ADGRL3: variants seen among roughly 807,000 people sequenced by gnomAD.
ADGRL3 encodes the protein adhesion G protein-coupled receptor L3, also known as calcium-independent alpha-latrotoxin receptor 3.
Under a neutral mutation model 153.5 loss-of-function variants are expected in ADGRL3, and 62 were observed. The observed-to-expected ratio is 0.40, with a 90% CI of 0.33 to 0.50. ADGRL3 has a LOEUF of 0.50. Ranked by LOEUF, ADGRL3 falls within the 20% of genes least tolerant of loss-of-function variation. The pLI, the probability that ADGRL3 is intolerant of heterozygous loss-of-function variation, is 0.47. For missense variants in ADGRL3, 1,641 were observed against 1,859.4 expected, an observed-to-expected ratio of 0.88 and a Z score of 2.16; for synonymous variants, 710 against 672.5, an observed-to-expected ratio of 1.06 and a Z score of -0.86.
At chr4:61,406,882 G>T (rs540204917) in intron 2 of ADGRL3, among the ~76,000 whole-genome samples, 1 of 152,034 alleles carries the variant, frequency 6.6e-6, no homozygotes, top group Non-Finnish European at 1.5e-5. Flanking sequence ...ATTTGCTTCA[G>T]CTAATAACAG....
intron 2 of ADGRL3, among the ~76,000 whole-genome samples, chr4:61,472,055 T>A (rs1269834107): frequency 6.6e-6 from 1 of 152,042 alleles, no homozygotes; most frequent in Non-Finnish European, 1.5e-5. Flanking sequence ...GAGTACTAGA[T>A]TCAGTACTTT....
chr4:61,591,460 G>A (rs2098968832), intron 5 of ADGRL3, among the ~76,000 whole-genome samples: 2 of 151,974 alleles, frequency 1.3e-5, no homozygotes, highest in African/African-American at 4.8e-5. Flanking sequence ...TATCTTCAAT[G>A]TATTATTTTA....
chr4:61,946,016 T>A (rs576851354), intron 15 of ADGRL3, among the ~76,000 whole-genome samples: 1 of 152,344 alleles, frequency 6.6e-6, no homozygotes, highest in African/African-American at 2.4e-5. Context: ...CTATAAATAA[T>A]AATTGACTTG....
At chr4:61,386,323 CA>C (rs1274243141) in intron 2 of ADGRL3, among the ~76,000 whole-genome samples, 1 of 151,906 alleles carries the variant, frequency 6.6e-6, no homozygotes, top group Non-Finnish European at 1.5e-5. Context: ...AGGAGCTAGC[CA>C]AAAACTTAAA....
chr4:61,572,571 T>TA (rs2098843496), intron 4 of ADGRL3, among the ~76,000 whole-genome samples: 1 of 152,112 alleles, frequency 6.6e-6, no homozygotes, highest in African/African-American at 2.4e-5. Flanking sequence ...TGACTACAGA[T>TA]AAAGCTTTTT....
chr4:61,461,425 C>T (rs998615633), intron 2 of ADGRL3, among the ~76,000 whole-genome samples: 3 of 151,954 alleles, frequency 2.0e-5, no homozygotes, highest in Non-Finnish European at 2.9e-5. Context: ...TGATGGATGT[C>T]CTAAATACTC....
intron 1 of ADGRL3, among the ~76,000 whole-genome samples, chr4:61,242,213 A>T (rs544476599): frequency 1.3e-5 from 2 of 151,826 alleles, no homozygotes; most frequent in South Asian, 4.2e-4. Flanking sequence ...TTGATATCTG[A>T]CTCCCTGTTC....
intron 3 of ADGRL3, among the ~76,000 whole-genome samples, chr4:61,510,166 G>C (rs2098455802): frequency 6.6e-6 from 1 of 152,212 alleles, no homozygotes; most frequent in East Asian, 1.9e-4. Flanking sequence ...TTAGATGTTT[G>C]TCAGATGCAT....
At chr4:61,496,355 A>G (rs2152805043) in intron 2 of ADGRL3, among the ~76,000 whole-genome samples, 1 of 152,290 alleles carries the variant, frequency 6.6e-6, no homozygotes, top group South Asian at 2.1e-4. Flanking sequence ...TGTAAGCTTT[A>G]CCATGGTATA....
chr4:61,763,474 C>T (rs746967472), intron 8 of ADGRL3, among the ~76,000 whole-genome samples: 5 of 151,940 alleles, frequency 3.3e-5, no homozygotes, highest in Non-Finnish European at 7.4e-5. Flanking sequence ...TCAGAGAAAA[C>T]TAGGAAATAG....
At chr4:61,868,626 C>G (rs1020344050) in intron 9 of ADGRL3, among the ~76,000 whole-genome samples, 3 of 152,144 alleles carry the variant, frequency 2.0e-5, no homozygotes, top group African/African-American at 7.2e-5. Context: ...TCTAAACTTG[C>G]CTTTCTTTTT....
intron 9 of ADGRL3, among the ~76,000 whole-genome samples, chr4:61,830,265 T>A (rs1317168849): frequency 1.3e-5 from 2 of 152,072 alleles, no homozygotes; most frequent in Non-Finnish European, 2.9e-5. Context: ...CTCAGGAGGC[T>A]AAGGCAGAAG....
intron 9 of ADGRL3, among the ~76,000 whole-genome samples, chr4:61,874,897 T>G (rs1048808858): frequency 1.5e-5 from 2 of 137,740 alleles, no homozygotes; most frequent in Non-Finnish European, 3.1e-5. Flanking sequence ...CAAGCTCCGC[T>G]TCCCGGGTTC....
Position 61,874,787 on chromosome 4 carries a change from C to CTTTT in ADGRL3, c.1481-17868_1481-17867insTTTT, listed in dbSNP as rs1561398139. ...AAATATTTTCAACGACATCAAAATG[C>CTTTT]TCTTTTTTTTTTTTTTTTTTTTTTT... On this transcript the variant is annotated intron_variant, in intron 9 of 26. Coordinates refer to ENST00000683033, the MANE Select transcript of ADGRL3 (RefSeq NM_001387552.1). Among the ~76,000 whole-genome samples the CTTTT allele has an allele frequency of 9.0e-5, 8 of 88,590 alleles. 2 individuals carry two copies. The highest frequency in any genetic ancestry group is 1.2e-4 in the African/African-American group (3 of 24,550). 58.1% of individuals were successfully genotyped at this position (88,590 alleles called of 152,430 possible). A position where few individuals can be genotyped will look rare whatever the true frequency, so the allele number is the denominator to read the frequency against.
In ADGRL3 at chr4:61,909,682, A is replaced by G. The variant is rs774620492; in HGVS notation, c.2010A>G (p.Leu670=). 8.7e-6 allele frequency: 14 copies of G among 1,603,012 alleles called. No homozygotes were observed. Among genetic ancestry groups the G allele is most frequent in the Non-Finnish European group, 1.2e-5 (14 of 1,174,396 alleles). ...CCATGGACCAGCTGGTAGGCCTCCT[A>G]GATGTACAGCTTCGGAACTTGACCC... is the stretch of plus-strand genomic sequence containing the variant. The part of the protein sequence containing the change: ...VRAMDQLVGL[L]DVQLRNLTPG... The change falls in exon 12 of 27, where the codon CTA becomes CTG. Residue 670 remains leucine, a synonymous_variant. Coordinates refer to ENST00000683033, the MANE Select transcript of ADGRL3 (RefSeq NM_001387552.1).
intron 1 of ADGRL3, among the ~76,000 whole-genome samples, chr4:61,360,505 T>C (rs2096266523): frequency 6.6e-6 from 1 of 152,086 alleles, no homozygotes; most frequent in African/African-American, 2.4e-5. Context: ...TTAAAAAAAT[T>C]CCGGCAAGTT....
chr4:61,960,745 C>G (rs1426841174), intron 17 of ADGRL3, among the ~76,000 whole-genome samples: 1 of 152,066 alleles, frequency 6.6e-6, no homozygotes, highest in Non-Finnish European at 1.5e-5. Flanking sequence ...GAGTCTGACT[C>G]TGTCGCCCAG....
At chr4:61,453,228 G>T (rs1323251500) in intron 2 of ADGRL3, among the ~76,000 whole-genome samples, 16 of 151,956 alleles carry the variant, frequency 1.1e-4, no homozygotes. Flanking sequence ...TTTAAGAATT[G>T]GTAACATGTG....
At chr4:61,653,166 TCTCTCACACACACACA>T (rs756980213) in intron 5 of ADGRL3, among the ~76,000 whole-genome samples, 3 of 135,042 alleles carry the variant, frequency 2.2e-5, no homozygotes, top group Non-Finnish European at 4.7e-5. Context: ...TCTCTCTCTC[TCTCTCACACACACACA>T]CACACACACA....
Sources: allele counts gnomAD v4.1 joint callset (sites outside exome capture counted in the v4.1 genomes callset), GRCh38; gene constraint gnomAD v4.1.1; transcripts MANE v1.5; gene names NCBI Gene and HGNC (gene_info 2026-07-23, HGNC 2026-07-21).